The following AHCYL2 variants were observed in gnomAD, a reference collection of about 807,000 sequenced individuals.
AHCYL2 encodes adenosylhomocysteinase like 2, also known as S-adenosylhomocysteine hydrolase-like protein 2.
Under a neutral mutation model 81.4 loss-of-function variants are expected in AHCYL2, and 28 were observed. That is an observed-to-expected ratio of 0.34 (90% CI 0.25 to 0.47). AHCYL2 has a LOEUF of 0.47. Ranked by LOEUF, AHCYL2 falls within the 20% of genes least tolerant of loss-of-function variation. The probability of loss-of-function intolerance (pLI) is 1.00; values close to 1 mark genes in which losing one functional copy is unlikely to be tolerated. For synonymous variants in AHCYL2, 272 were observed against 290.2 expected, an observed-to-expected ratio of 0.94 and a Z score of 0.64; for missense variants, 551 against 785.1, an observed-to-expected ratio of 0.70 and a Z score of 3.56.
Position 129,383,082 on chromosome 7 carries a change from C to T in AHCYL2, c.475+3333C>T, listed in dbSNP as rs560542261. Among the ~76,000 whole-genome samples the T allele has an allele frequency of 5.3e-5, 8 of 152,174 alleles. No individual in the cohort carries two copies. In the South Asian group the frequency reaches 1.5e-3, roughly 28 times the overall value. On this transcript the variant is annotated intron_variant, in intron 2 of 16. Transcript: ENST00000325006. ...TTCTCATATTTTATCCAGCTCAAAT[C>T]TGTCTCCTATATACTAGATTCATAT...
intron 12 of AHCYL2, among the ~76,000 whole-genome samples, chr7:129,415,561 A>G (rs1796802415): frequency 6.6e-6 from 1 of 151,814 alleles, no homozygotes; most frequent in Non-Finnish European, 1.5e-5. Flanking sequence ...GGTGGCTCAC[A>G]CCTGTAATCC....
intron 1 of AHCYL2, among the ~76,000 whole-genome samples, chr7:129,367,086 A>C (rs1484200203): frequency 6.6e-6 from 1 of 152,200 alleles, no homozygotes; most frequent in Non-Finnish European, 1.5e-5. Flanking sequence ...ATGTGCATTT[A>C]TCTCAGTGAG....
intron 1 of AHCYL2, among the ~76,000 whole-genome samples, chr7:129,317,567 G>A (rs1797866327): frequency 6.6e-6 from 1 of 152,184 alleles, no homozygotes; most frequent in Non-Finnish European, 1.5e-5. Context: ...CCAGGCAAAA[G>A]TTGCTTGTTA....
chr7:129,232,534 C>T (rs1346572258), intron 1 of AHCYL2, among the ~76,000 whole-genome samples: 1 of 152,182 alleles, frequency 6.6e-6, no homozygotes, highest in African/African-American at 2.4e-5. Context: ...GCCTCACATC[C>T]CTGTTTGTTT....
chr7:129,335,262 A>G (rs1798559624), intron 1 of AHCYL2, among the ~76,000 whole-genome samples: 1 of 152,082 alleles, frequency 6.6e-6, no homozygotes, highest in Non-Finnish European at 1.5e-5. Context: ...AGTCCCAGCT[A>G]CTGGGGAGGT....
At chr7:129,340,319 G>C (rs1315280727) in intron 1 of AHCYL2, among the ~76,000 whole-genome samples, 1 of 150,588 alleles carries the variant, frequency 6.6e-6, no homozygotes, top group South Asian at 2.1e-4. Flanking sequence ...TGTAATCCCA[G>C]CTCTTTGGGA....
At chr7:129,227,759 G>A (rs1794281595) in intron 1 of AHCYL2, among the ~76,000 whole-genome samples, 2 of 151,734 alleles carry the variant, frequency 1.3e-5, no homozygotes, top group South Asian at 4.2e-4. Context: ...TTCCATGATT[G>A]TAGATATACT....
intron 1 of AHCYL2, among the ~76,000 whole-genome samples, chr7:129,371,766 T>C (rs987862934): frequency 6.6e-6 from 1 of 152,220 alleles, no homozygotes; most frequent in Non-Finnish European, 1.5e-5. Flanking sequence ...TACTTTTCCA[T>C]AGGAAATCTG....
intron 1 of AHCYL2, among the ~76,000 whole-genome samples, chr7:129,335,182 C>A (rs1224474582): frequency 6.6e-6 from 1 of 151,990 alleles, no homozygotes; most frequent in Non-Finnish European, 1.5e-5. Context: ...GCCTGGACAA[C>A]ACGGTGAAAC....
chr7:129,231,699 T>C (rs1388932059), intron 1 of AHCYL2, among the ~76,000 whole-genome samples: 1 of 152,198 alleles, frequency 6.6e-6, no homozygotes, highest in African/African-American at 2.4e-5. Flanking sequence ...CTATGGAATT[T>C]GTAGGAGCTT....
At chr7:129,340,385 G>C (rs1793131420) in intron 1 of AHCYL2, among the ~76,000 whole-genome samples, 1 of 150,928 alleles carries the variant, frequency 6.6e-6, no homozygotes, top group African/African-American at 2.4e-5. Flanking sequence ...GGCTAACACG[G>C]TGAAACCCCG....
chr7:129,319,712 G>A (rs1011880877), intron 1 of AHCYL2, among the ~76,000 whole-genome samples: 2 of 152,088 alleles, frequency 1.3e-5, no homozygotes, highest in Admixed American at 1.3e-4. Context: ...CCTTCACTCA[G>A]CAAAATTATT....
chr7:129,232,555 C>T (rs550985274), intron 1 of AHCYL2, among the ~76,000 whole-genome samples: 1 of 152,294 alleles, frequency 6.6e-6, no homozygotes, highest in African/African-American at 2.4e-5. Flanking sequence ...CAGTCACTAC[C>T]CGCCATCCGC....
chr7:129,249,407 T>G (rs988753346), intron 1 of AHCYL2, among the ~76,000 whole-genome samples: 3 of 152,158 alleles, frequency 2.0e-5, no homozygotes, highest in African/African-American at 4.8e-5. Flanking sequence ...ACAAAAACTA[T>G]GTATTAAACA....
chr7:129,298,695 GTGTT>G (rs1797138151), intron 1 of AHCYL2, among the ~76,000 whole-genome samples: 1 of 152,150 alleles, frequency 6.6e-6, no homozygotes, highest in African/African-American at 2.4e-5. Flanking sequence ...CACATTTGCA[GTGTT>G]TGTTTGATAT....
chr7:129,357,672 C>G (rs1051708753), intron 1 of AHCYL2, among the ~76,000 whole-genome samples: 1 of 152,192 alleles, frequency 6.6e-6, no homozygotes, highest in African/African-American at 2.4e-5. Context: ...CAGTGGCTCA[C>G]GCCTGTAATC....
At chr7:129,405,405 A>G in intron 8 of AHCYL2, 192 bp downstream of exon 8, 1 of 397,794 alleles carries the variant, frequency 2.5e-6, no homozygotes. Flanking sequence ...CTATTTCTAA[A>G]TATTATATTT....
At position 129,360,930 on chromosome 7, in the gene AHCYL2, T is replaced by G. The variant is rs73465326; in HGVS notation, c.364-18708T>G. Among the ~76,000 whole-genome samples, 306 of 152,302 alleles carry G rather than the reference T, an allele frequency of 2.0e-3. 1 individual carries two copies. The highest frequency in any genetic ancestry group is 5.8e-3 in the African/African-American group (240 of 41,562). ...AGTGATATGGCATGTATAAATGAAT[T>G]TAATGAATTGAAGTAGGCTGTTACA... On this transcript the variant is annotated intron_variant, in intron 1 of 16. Coordinates refer to ENST00000325006, the MANE Select transcript of AHCYL2 (RefSeq NM_015328.4).
intron 1 of AHCYL2, among the ~76,000 whole-genome samples, chr7:129,374,199 T>C (rs1794559639): frequency 6.6e-6 from 1 of 152,162 alleles, no homozygotes; most frequent in South Asian, 2.1e-4. Context: ...GGTCTTCTGA[T>C]TAATATTATG....
Sources: allele counts gnomAD v4.1 joint callset (sites outside exome capture counted in the v4.1 genomes callset), GRCh38; gene constraint gnomAD v4.1.1; transcripts MANE v1.5; gene names NCBI Gene and HGNC (gene_info 2026-07-23, HGNC 2026-07-21).